Variants in TBC1D16 observed in about 807,000 individuals in gnomAD.
TBC1D16 encodes the protein TBC1 domain family member 16.
A neutral mutation model predicts 74.7 loss-of-function variants in TBC1D16; 58 were observed. That is an observed-to-expected ratio of 0.78 (90% CI 0.63 to 0.97). The LOEUF is 0.97. Among genes scored for constraint, TBC1D16 ranks in the 50% least tolerant of loss-of-function variants. The pLI is 0.00. For synonymous variants in TBC1D16, 493 were observed against 474.7 expected (o/e 1.04, Z -0.50); for missense variants, 1,014 against 1,079.5 (o/e 0.94, Z 0.85).
intron 1 of TBC1D16, among the ~76,000 whole-genome samples, chr17:80,034,010 G>C (rs1277278187): frequency 3.3e-5 from 5 of 152,140 alleles, no homozygotes; most frequent in African/African-American, 1.2e-4. Flanking sequence ...ACTCCTAACT[G>C]CATGAGCTTG....
chr17:80,010,327 G>C lies in TBC1D16; in HGVS notation c.612C>G (p.Pro204=), dbSNP rs141221910. Residue 204 remains proline (P), a synonymous_variant, in exon 3 of 12, where the codon CCC becomes CCG. Coordinates refer to ENST00000310924, the MANE Select transcript of TBC1D16 (RefSeq NM_019020.4). The surrounding 1 kb of genome is among the most constrained non-coding windows in gnomAD (Gnocchi z 8.8). The part of the protein sequence containing the change: ...DVTEEGREPR[P]EAGEEDGSLE... The stretch of plus-strand genomic sequence containing the variant: ...AAGAGCCATCCTCCTCCCCGGCCTC[G>C]GGCCGCGGCTCCCGCCCCTCCTCGG... 6.2e-7 allele frequency: 1 copy of C among 1,610,586 alleles called. No individual in the cohort carries two copies. Among genetic ancestry groups the C allele is most frequent in the Non-Finnish European group, 8.5e-7 (1 of 1,178,668 alleles).
rs144361764 is a variant in TBC1D16, at chr17:79,969,023, A to G, written c.780-16205T>C. Among the ~76,000 whole-genome samples the G allele has an allele frequency of 2.3e-3, 346 of 152,312 alleles. 1 individual carries two copies. The highest frequency in any genetic ancestry group is 7.9e-3 in the African/African-American group (330 of 41,574). Reference sequence around the variant, plus strand: ...AAATGGGCAAATAATTTAAATAGACATATCTCCAATGAAGATATAAATGGC... The same window carrying G: ...AAATGGGCAAATAATTTAAATAGACGTATCTCCAATGAAGATATAAATGGC... On this transcript the variant is annotated intron_variant, in intron 3 of 11. Coordinates refer to ENST00000310924, the MANE Select transcript of TBC1D16 (RefSeq NM_019020.4).
rs527911467 is a variant in TBC1D16, at chr17:79,939,754, G to C, written c.*1105C>G. On this transcript the variant is annotated 3_prime_UTR_variant, in exon 12 of 12. Coordinates refer to ENST00000310924, the MANE Select transcript of TBC1D16 (RefSeq NM_019020.4). ...AGACCTCATTCCCACATAGAAGGCA[G>C]AGAGCCCTGAGTGCTGGCTCCTTCA... 7 of 152,198 alleles carry C rather than the reference G, an allele frequency of 4.6e-5. No individual in the cohort carries two copies. Among genetic ancestry groups the C allele is most frequent in the Non-Finnish European group, 1.0e-4 (7 of 68,034 alleles). The allele number at this position is 152,198 out of a possible 1,614,324, so 9.4% of individuals were successfully genotyped here.
chr17:79,986,330 G>T lies in TBC1D16; in HGVS notation c.779+23830C>A, dbSNP rs1268386849. Among the ~76,000 whole-genome samples, 2 of 152,332 alleles carry T rather than the reference G, an allele frequency of 1.3e-5. No individual in the cohort carries two copies. The highest frequency in any genetic ancestry group is 4.1e-4 in the South Asian group (2 of 4,832). Reference sequence around the variant, plus strand: ...CCAAGGCCACGTTCGCTTCATAAACGCAAGGTGATCTCTGAGCACCTCTTA... The same window carrying T: ...CCAAGGCCACGTTCGCTTCATAAACTCAAGGTGATCTCTGAGCACCTCTTA... On this transcript the variant is annotated intron_variant, in intron 3 of 11. Coordinates refer to ENST00000310924, the MANE Select transcript of TBC1D16 (RefSeq NM_019020.4). This position sits in a 1 kb window ranked among gnomAD's most constrained non-coding sequence, Gnocchi z 6.0.
At position 80,007,336 on chromosome 17, in the gene TBC1D16, G is replaced by A. The variant is rs571057776; in HGVS notation, c.779+2824C>T. Among the ~76,000 whole-genome samples, 59 of 152,334 alleles carry A rather than the reference G, an allele frequency of 3.9e-4. No individual in the cohort carries two copies. The highest frequency in any genetic ancestry group is 1.3e-3 in the African/African-American group (56 of 41,586). On this transcript the variant is annotated intron_variant, in intron 3 of 11. Transcript: ENST00000310924. The surrounding 1 kb of genome is among the most constrained non-coding windows in gnomAD (Gnocchi z 4.5). ...CAGGCTGGTGCTCAACCCTCACGCC[G>A]ACTCTGCCCTACAAGGGGGTTCTTG...
In TBC1D16 at chr17:79,934,687, G is replaced by T. The variant is rs1404218928; in HGVS notation, c.*6172C>A. The T allele has an allele frequency of 2.0e-5, 3 of 152,430 alleles. No individual in the cohort carries two copies. The highest frequency in any genetic ancestry group is 6.5e-5 in the Admixed American group (1 of 15,294). 9.4% of individuals were successfully genotyped at this position (152,430 alleles called of 1,614,324 possible). A position where few individuals can be genotyped will look rare whatever the true frequency, so the allele number is the denominator to read the frequency against. ...CTAGTCCGTGGGACCTGCCCAGCCA[G>T]CCTTGGGAGGGGCACCCCTGGGCAT... is the stretch of plus-strand genomic sequence containing the variant. On this transcript the variant is annotated 3_prime_UTR_variant, in exon 12 of 12. Transcript: ENST00000310924.
chr17:80,016,459 C>A (rs1327756513), intron 1 of TBC1D16, among the ~76,000 whole-genome samples: 2 of 152,164 alleles, frequency 1.3e-5, no homozygotes, highest in Non-Finnish European at 2.9e-5. Flanking sequence ...TAAAAATTAT[C>A]TATTAGTGGA....
chr17:79,955,315 C>T (rs564861114), intron 3 of TBC1D16, among the ~76,000 whole-genome samples: 14 of 152,218 alleles, frequency 9.2e-5, no homozygotes, highest in Admixed American at 7.8e-4. Flanking sequence ...TGGTGCCCCT[C>T]GAGGCCGGCT....
chr17:79,966,973 G>T (rs1458598098), intron 3 of TBC1D16, among the ~76,000 whole-genome samples: 1 of 152,080 alleles, frequency 6.6e-6, no homozygotes, highest in Non-Finnish European at 1.5e-5. Flanking sequence ...CATCTCAACA[G>T]ATGCAGAAAA....
intron 3 of TBC1D16, among the ~76,000 whole-genome samples, chr17:79,962,047 A>G (rs2033638205): frequency 6.6e-6 from 1 of 152,090 alleles, no homozygotes; most frequent in Admixed American, 6.6e-5. Context: ...AAGCAGGACA[A>G]AAAACAAGCA....
chr17:80,032,992 G>T (rs563787374), intron 1 of TBC1D16, among the ~76,000 whole-genome samples: 1 of 152,148 alleles, frequency 6.6e-6, no homozygotes, highest in Admixed American at 6.6e-5. Flanking sequence ...CCAGCCCCCG[G>T]TCAAGTTGTA....
intron 1 of TBC1D16, among the ~76,000 whole-genome samples, chr17:80,018,374 C>T: frequency 6.7e-6 from 1 of 149,218 alleles, no homozygotes; most frequent in Non-Finnish European, 1.5e-5. Context: ...CTCCGCCTCC[C>T]AGGTTCACGC....
At chr17:79,953,214 G>A (rs1481594279) in intron 3 of TBC1D16, among the ~76,000 whole-genome samples, 4 of 152,162 alleles carry the variant, frequency 2.6e-5, no homozygotes, top group African/African-American at 7.2e-5. Flanking sequence ...TCCCTACAGC[G>A]TGGGGCTGGG....
At chr17:79,948,278 A>C (rs1244546013) in intron 8 of TBC1D16, among the ~76,000 whole-genome samples, 1 of 146,964 alleles carries the variant, frequency 6.8e-6, no homozygotes, top group African/African-American at 2.5e-5. Flanking sequence ...ACACCACTGC[A>C]CTCCAGTCTG....
At position 79,979,656 on chromosome 17, in the gene TBC1D16, G is replaced by A. The variant is rs2034495961; in HGVS notation, c.780-26838C>T. Among the ~76,000 whole-genome samples, 1 of 151,968 alleles carries A rather than the reference G, an allele frequency of 6.6e-6. No homozygotes were observed. Among genetic ancestry groups the A allele is most frequent in the South Asian group, 2.1e-4 (1 of 4,818 alleles). ...CACACGTCGACCTTCACTGTTTCCT[G>A]CAAACACAGCTGGGACATCAGCCCG... is the stretch of plus-strand genomic sequence containing the variant. On this transcript the variant is annotated intron_variant, in intron 3 of 11. Transcript: ENST00000310924. The surrounding 1 kb of genome is among the most constrained non-coding windows in gnomAD (Gnocchi z 4.8).
Position 80,010,634 on chromosome 17 carries a change from C to A in TBC1D16, c.305G>T (p.Ser102Ile). The change falls in exon 3 of 12, where the codon AGC becomes ATC. Residue 102 changes from serine to isoleucine, a missense_variant. Coordinates refer to ENST00000310924, the MANE Select transcript of TBC1D16 (RefSeq NM_019020.4). The surrounding 1 kb of genome is among the most constrained non-coding windows in gnomAD (Gnocchi z 8.8). ...EEALRYITPE[S>I]SPVRKAPRPR... Reference sequence around the variant, plus strand: ...GCGGGGTGCCTTGCGAACGGGGGAGCTCTCGGGTGTGATGTAGCGCAGGGC... The same window carrying A: ...GCGGGGTGCCTTGCGAACGGGGGAGATCTCGGGTGTGATGTAGCGCAGGGC... 6.4e-7 allele frequency: 1 copy of A among 1,572,648 alleles called. No homozygotes were observed. Among genetic ancestry groups the A allele is most frequent in the South Asian group, 1.2e-5 (1 of 84,370 alleles).
intron 9 of TBC1D16, among the ~76,000 whole-genome samples, chr17:79,946,094 T>C (rs1435708273): frequency 1.3e-5 from 2 of 152,210 alleles, no homozygotes; most frequent in African/African-American, 4.8e-5. Context: ...ATCCTCTCTG[T>C]TGGCATCAGC....
rs1474486274 is a variant in TBC1D16, at chr17:79,975,643, C to G, written c.780-22825G>C. On this transcript the variant is annotated intron_variant, in intron 3 of 11. Transcript: ENST00000310924. This position sits in a 1 kb window ranked among gnomAD's most constrained non-coding sequence, Gnocchi z 4.5. ...AGCCACCGCCCACAACAGGTCCACC[C>G]TGAAGTGAAAAGACAAATATCATTT... 6.6e-6 allele frequency among the ~76,000 whole-genome samples: 1 copy of G among 152,220 alleles called. No individual in the cohort carries two copies. The highest frequency in any genetic ancestry group is 1.5e-5 in the Non-Finnish European group (1 of 68,044).
At chr17:79,957,390 C>T (rs1349535138) in intron 3 of TBC1D16, among the ~76,000 whole-genome samples, 2 of 152,174 alleles carry the variant, frequency 1.3e-5, no homozygotes, top group African/African-American at 2.4e-5. Context: ...TGTGGAACAA[C>T]ACGGAGGGAA....
Sources: allele counts gnomAD v4.1 joint callset (sites outside exome capture counted in the v4.1 genomes callset), GRCh38; gene constraint gnomAD v4.1.1; non-coding constraint Gnocchi (gnomAD v3.1); transcripts MANE v1.5; gene names NCBI Gene and HGNC (gene_info 2026-07-23, HGNC 2026-07-21).